The following ROBO4 variants were observed in gnomAD, a reference collection of about 807,000 sequenced individuals.
ROBO4 encodes roundabout homolog 4.
ROBO4 carries 80 observed loss-of-function variants against 103.3 expected under a neutral mutation model. The ratio of observed to expected loss-of-function variants is 0.77; its 90% CI spans 0.65 to 0.93. The LOEUF (loss-of-function observed/expected upper bound fraction) is 0.93. Ranked by LOEUF, ROBO4 falls within the 40% of genes least tolerant of loss-of-function variation. ROBO4 has a pLI of 0.00. For missense variants in ROBO4, 1,333 were observed against 1,305.3 expected (o/e 1.02, Z -0.33); for synonymous variants, 504 against 529.7 (o/e 0.95, Z 0.67).
At chr11:124,896,873 C>A in intron 2 of ROBO4, 59 bp downstream of exon 2, 1 of 1,569,532 alleles carries the variant, frequency 6.4e-7, no homozygotes, top group Non-Finnish European at 8.6e-7. Flanking sequence ...CTTGAACATT[C>A]AGCTCAGATG....
Position 124,884,630 on chromosome 11 carries a change from T to G in ROBO4, c.*261A>C. Reference sequence around the variant, plus strand: ...GGCCAAAACAACCTGGTGGTGGGAGTGGATGGCACAGAGGAGAAAGCAGTG... The same window carrying G: ...GGCCAAAACAACCTGGTGGTGGGAGGGGATGGCACAGAGGAGAAAGCAGTG... On this transcript the variant is annotated 3_prime_UTR_variant, in exon 18 of 18. Coordinates refer to ENST00000306534, the MANE Select transcript of ROBO4 (RefSeq NM_019055.6). The G allele has an allele frequency of 3.7e-6, 2 of 543,478 alleles. No homozygotes were observed. Among genetic ancestry groups the G allele is most frequent in the Non-Finnish European group, 6.5e-6 (2 of 305,680 alleles). 33.7% of individuals were successfully genotyped at this position (543,478 alleles called of 1,614,324 possible).
chr11:124,897,495 T>TC, intron 1 of ROBO4: 2 of 532,356 alleles, frequency 3.8e-6, no homozygotes, highest in Non-Finnish European at 6.7e-6. Flanking sequence ...CTCTCTCTCT[T>TC]ACTTTCTCTC....
chr11:124,885,090 C>G lies in ROBO4; in HGVS notation c.2952G>C (p.Gln984His), dbSNP rs1156918571. Reference protein sequence around the residue: ...RGMPPWPPDSQISSQRSQLHC... With the variant: ...RGMPPWPPDSHISSQRSQLHC... The stretch of plus-strand genomic sequence containing the variant: ...GGAGCTGACTTCTCTGGGAAGAGAT[C>G]TGAGAGTCAGGGGGCCAGGGAGGCA... The change falls in exon 17 of 18, where the codon CAG becomes CAC. Residue 984 changes from glutamine (Q) to histidine (H), a missense_variant. Physicochemically the swap from Gln to His is conservative, Grantham distance 24. Transcript: ENST00000306534. 6.2e-7 allele frequency: 1 copy of G among 1,614,172 alleles called. No homozygotes were observed. Among genetic ancestry groups the G allele is most frequent in the East Asian group, 2.2e-5 (1 of 44,874 alleles).
Position 124,887,691 on chromosome 11 carries a change from C to T in ROBO4, c.2056+42G>A, listed in dbSNP as rs746497853. ...TGGTAAGCCCCTGCATCCCTACACCCTATCTCACCCCTTCACTTCCCTTTC... is the reference window on the plus strand; with the variant it reads ...TGGTAAGCCCCTGCATCCCTACACCTTATCTCACCCCTTCACTTCCCTTTC... On this transcript the variant is annotated intron_variant, in intron 13 of 17. Transcript: ENST00000306534. The T allele has an allele frequency of 2.3e-5, 37 of 1,591,176 alleles. 2 individuals are homozygous for T. Among genetic ancestry groups the T allele is most frequent in the Middle Eastern group, 3.3e-4 (2 of 6,028 alleles).
At chr11:124,894,935 G>A (rs1281881977) in intron 7 of ROBO4, 146 bp downstream of exon 7, 1 of 662,296 alleles carries the variant, frequency 1.5e-6, no homozygotes, top group Non-Finnish European at 2.7e-6. Context: ...CTGGAAGCCA[G>A]TGGGTCCTTG....
intron 13 of ROBO4, 100 bp from the exon 14 acceptor site, chr11:124,887,599 C>T (rs1946737201): frequency 6.4e-7 from 1 of 1,558,702 alleles, no homozygotes; most frequent in Non-Finnish European, 8.8e-7. Flanking sequence ...TACCTGTCCA[C>T]TACTCCATCC....
chr11:124,884,137 C>T lies in ROBO4; in HGVS notation c.*754G>A, dbSNP rs989003462. ...CCCTGAGTGTCAATGAATGCCTGAT[C>T]CCTGCCTAACTCAGGAAATTCTTGC... On this transcript the variant is annotated 3_prime_UTR_variant, in exon 18 of 18. Coordinates refer to ENST00000306534, the MANE Select transcript of ROBO4 (RefSeq NM_019055.6). 7 of 152,186 alleles carry T rather than the reference C, an allele frequency of 4.6e-5. No homozygotes were observed. Among genetic ancestry groups the T allele is most frequent in the Admixed American group, 1.3e-4 (2 of 15,274 alleles). The allele number at this position is 152,186 out of a possible 1,614,324, so 9.4% of individuals were successfully genotyped here.
At chr11:124,893,822 G>A in intron 9 of ROBO4, 38 bp downstream of exon 9, 1 of 1,613,136 alleles carries the variant, frequency 6.2e-7, no homozygotes, top group Non-Finnish European at 8.5e-7. Context: ...GGATGCTGAG[G>A]AGGCCTGTAT....
intron 7 of ROBO4, 73 bp downstream of exon 7, chr11:124,895,008 G>T: frequency 1.7e-6 from 2 of 1,144,954 alleles, no homozygotes; most frequent in East Asian, 2.4e-5. Context: ...CCCAGAGCAA[G>T]GGTATGCAGA....
Position 124,895,893 on chromosome 11 carries a change from C to T in ROBO4, c.699G>A (p.Glu233=). ...VSIQEPQDYT[E]PVELLAVRIQ... Reference sequence around the variant, plus strand: ...TTCGCACAGCCAGAAGCTCCACAGGCTCCGTGTAGTCCTGGGGCTCTGTGG... The same window carrying T: ...TTCGCACAGCCAGAAGCTCCACAGGTTCCGTGTAGTCCTGGGGCTCTGTGG... The change falls in exon 5 of 18, where the codon GAG becomes GAA. Residue 233 remains glutamate, a synonymous_variant. Coordinates refer to ENST00000306534, the MANE Select transcript of ROBO4 (RefSeq NM_019055.6). 1 of 1,614,028 alleles carries T rather than the reference C, an allele frequency of 6.2e-7. No individual in the cohort carries two copies. Among genetic ancestry groups the T allele is most frequent in the South Asian group, 1.1e-5 (1 of 91,068 alleles).
At chr11:124,896,164 C>T (rs769418987) in intron 4 of ROBO4, 34 bp downstream of exon 4, 1 of 1,609,742 alleles carries the variant, frequency 6.2e-7, no homozygotes, top group Non-Finnish European at 8.5e-7. Context: ...GAGCCTGCAG[C>T]CTGGCTCTGA....
rs966802629 is a variant in ROBO4 at position 124,884,669 on chromosome 11, T to C, written c.*222A>G. ...GAGAAAGCAGTGGCTAGGAGTCAGGTGGAGATGATGTTTTGCTCCCTGAGG... is the reference window on the plus strand; with the variant it reads ...GAGAAAGCAGTGGCTAGGAGTCAGGCGGAGATGATGTTTTGCTCCCTGAGG... On this transcript the variant is annotated 3_prime_UTR_variant, in exon 18 of 18. Transcript: ENST00000306534. The C allele has an allele frequency of 1.7e-6, 1 of 605,504 alleles. No individual in the cohort carries two copies. Among genetic ancestry groups the C allele is most frequent in the African/African-American group, 1.9e-5 (1 of 53,824 alleles). 37.5% of individuals were successfully genotyped at this position (605,504 alleles called of 1,614,324 possible).
Position 124,887,061 on chromosome 11 carries a change from G to A in ROBO4, c.2351C>T (p.Ser784Phe). The A allele has an allele frequency of 1.2e-6, 2 of 1,613,872 alleles. No individual in the cohort carries two copies. Among genetic ancestry groups the A allele is most frequent in the Non-Finnish European group, 1.7e-6 (2 of 1,179,880 alleles). ...SSRLSSSSLS[S>F]LGEDQDSVLT... is the part of the protein sequence containing the mutation. ...CACGCTGTCTTGATCCTCCCCCAGG[G>A]ATGACAGTGAGGAGCTGGACAGGCG... The change falls in exon 15 of 18, where the codon TCC becomes TTC. Residue 784 changes from serine (S) to phenylalanine (F), a missense_variant. Transcript: ENST00000306534.
intron 4 of ROBO4, 95 bp from the exon 5 acceptor site, chr11:124,896,007 C>T: frequency 6.4e-7 from 1 of 1,567,158 alleles, no homozygotes; most frequent in African/African-American, 1.4e-5. Context: ...CCCCAGGGAA[C>T]CCAAACTCCC....
At chr11:124,896,055 A>G in intron 4 of ROBO4, 143 bp from the exon 5 acceptor site, 5 of 1,520,066 alleles carry the variant, frequency 3.3e-6, no homozygotes, top group Non-Finnish European at 4.4e-6. Context: ...TTTCTACTCT[A>G]GCAGGGGGGA....
intron 16 of ROBO4, among the ~76,000 whole-genome samples, chr11:124,885,826 G>C (rs1258041129): frequency 1.3e-5 from 2 of 152,162 alleles, no homozygotes; most frequent in African/African-American, 2.4e-5. Context: ...CTTTCCTGGA[G>C]ACTCAAGTCG....
chr11:124,885,932 T>C (rs1036785676), intron 16 of ROBO4, among the ~76,000 whole-genome samples: 1 of 152,186 alleles, frequency 6.6e-6, no homozygotes, highest in Non-Finnish European at 1.5e-5. Flanking sequence ...CTCATGCCTA[T>C]ACTCCCAACA....
In ROBO4 at chr11:124,887,016, G is replaced by T. The variant is rs757860420; in HGVS notation, c.2396C>A (p.Ala799Asp). 2.5e-6 allele frequency: 4 copies of T among 1,613,704 alleles called. No homozygotes were observed. Among genetic ancestry groups the T allele is most frequent in the East Asian group, 2.2e-5 (1 of 44,888 alleles). ...ACCCTCACTGAGTTCCAAGCACAGG[G>T]CTACCTCCTCAGGGGTCAGCACGCT... is the stretch of plus-strand genomic sequence containing the variant. ...QDSVLTPEEV[A>D]LCLELSEGEE... The change falls in exon 15 of 18, where the codon GCC becomes GAC. Residue 799 changes from alanine (A) to aspartate (D), a missense_variant. Physicochemically the swap from Ala to Asp is moderately radical, Grantham distance 126 (BLOSUM62 -2). Coordinates refer to ENST00000306534, the MANE Select transcript of ROBO4 (RefSeq NM_019055.6).
chr11:124,893,792 G>C, intron 9 of ROBO4, 62 bp from the exon 10 acceptor site: 1 of 1,612,814 alleles, frequency 6.2e-7, no homozygotes, highest in Admixed American at 1.7e-5. Flanking sequence ...GAGATCCAAA[G>C]CCCCTGCACC....
Sources: gnomAD v4.1 joint callset for allele counts (sites outside exome capture counted in the v4.1 genomes callset) on GRCh38, gnomAD v4.1.1 for gene constraint, MANE v1.5 for transcripts, NCBI Gene and HGNC (gene_info 2026-07-23, HGNC 2026-07-21) for gene names.